The following SEL1L3 variants were observed in gnomAD, a reference collection of about 807,000 sequenced individuals.
The protein encoded by SEL1L3 is protein sel-1 homolog 3.
In SEL1L3, 76 loss-of-function variants were observed where a neutral mutation model predicts 142.8. That is an observed-to-expected ratio of 0.53 (90% confidence interval 0.44 to 0.64). The LOEUF (loss-of-function observed/expected upper bound fraction) is 0.64, where lower values mean the gene tolerates loss of function less well. Ranked by LOEUF, SEL1L3 falls within the 30% of genes least tolerant of loss-of-function variation. SEL1L3 has a pLI of 0.00. For missense variants in SEL1L3, 1,262 were observed against 1,381.7 expected, an observed-to-expected ratio of 0.91 and a Z score of 1.37; for synonymous variants, 504 against 519.6, an observed-to-expected ratio of 0.97 and a Z score of 0.41.
the SEL1L3 span, among the ~76,000 whole-genome samples, chr4:25,738,159 G>T: frequency 1.3e-5 from 2 of 152,166 alleles, no homozygotes; most frequent in Non-Finnish European, 2.9e-5. Context: ...AAAGTGCTGG[G>T]ATTACAGGCA....
At chr4:25,858,041 C>G (rs953382637) in intron 1 of SEL1L3, among the ~76,000 whole-genome samples, 3 of 152,264 alleles carry the variant, frequency 2.0e-5, no homozygotes, top group African/African-American at 7.2e-5. Flanking sequence ...ACGCCTCCTG[C>G]CCCTCGGCTC....
At chr4:25,739,438 G>A in the SEL1L3 span, among the ~76,000 whole-genome samples, 1 of 152,024 alleles carries the variant, frequency 6.6e-6, no homozygotes, top group Non-Finnish European at 1.5e-5. Context: ...CAGGAGTGGT[G>A]GCTCACGCCT....
In SEL1L3 at chr4:25,819,851, C is replaced by A. The variant is rs1187875830; in HGVS notation, c.1380G>T (p.Val460=). ...RCAEVQEIVS[V]YASAAKHGGE... ...CCCCGTGCTTTGCTGCAGATGCATA[C>A]ACAGATACTATTTCTTGAACCTCAG... is the stretch of plus-strand genomic sequence containing the variant. The change falls in exon 8 of 24, where the codon GTG becomes GTT. Residue 460 remains valine (V), a synonymous_variant. Transcript: ENST00000399878. 3 of 1,613,610 alleles carry A rather than the reference C, an allele frequency of 1.9e-6. No homozygotes were observed. The South Asian group carries it at 3.3e-5, about 18-fold the overall frequency.
intron 5 of SEL1L3, 34 bp downstream of exon 5, chr4:25,832,961 C>A (rs549192517): frequency 7.7e-7 from 1 of 1,294,514 alleles, no homozygotes; most frequent in South Asian, 1.2e-5. Flanking sequence ...CGAAAATGCT[C>A]GTATGTCGTG....
chr4:25,833,584 G>C lies in SEL1L3; in HGVS notation c.861-15C>G. 1.3e-6 allele frequency: 2 copies of C among 1,590,550 alleles called. No homozygotes were observed. Among genetic ancestry groups the C allele is most frequent in the Non-Finnish European group, 1.7e-6 (2 of 1,171,336 alleles). On this transcript the variant is annotated splice_polypyrimidine_tract_variant and intron_variant, in intron 3 of 23. Coordinates refer to ENST00000399878, the MANE Select transcript of SEL1L3 (RefSeq NM_015187.5). ...AAACAGTAAACCTATAAGAGTGAGG[G>C]GGAAAAAAATTCTGCAGATTGATAT...
At chr4:25,819,335 AT>A (rs11334696) in intron 8 of SEL1L3, among the ~76,000 whole-genome samples, 38,847 of 152,056 alleles carry the variant, frequency 0.26, 6,092 homozygotes, top group Non-Finnish European at 0.34. Flanking sequence ...AATTTCAAGG[AT>A]TTAAAAAATA....
chr4:25,765,514 T>TGA, intron 19 of SEL1L3, 79 bp from the exon 20 acceptor site: 2 of 865,284 alleles, frequency 2.3e-6, no homozygotes, highest in Non-Finnish European at 3.9e-6. Context: ...CGCATTCACA[T>TGA]GAATGCAAGT....
chr4:25,726,183 G>A, the SEL1L3 span, among the ~76,000 whole-genome samples: 5 of 151,250 alleles, frequency 3.3e-5, no homozygotes, highest in Admixed American at 1.3e-4. Context: ...TGGAGCATTT[G>A]GAATGAATAG....
At chr4:25,733,709 C>T in the SEL1L3 span, among the ~76,000 whole-genome samples, 2 of 151,814 alleles carry the variant, frequency 1.3e-5, no homozygotes, top group African/African-American at 2.4e-5. Context: ...TTAGTAGAGA[C>T]GGGGTTTCAC....
chr4:25,844,981 C>G (rs1716414478), intron 2 of SEL1L3, among the ~76,000 whole-genome samples: 1 of 151,950 alleles, frequency 6.6e-6, no homozygotes, highest in Admixed American at 6.6e-5. Flanking sequence ...TGCACAAATG[C>G]AGAATAAACC....
At chr4:25,776,236 A>G (rs755682750) in intron 17 of SEL1L3, 41 bp downstream of exon 17, 2 of 1,323,862 alleles carry the variant, frequency 1.5e-6, no homozygotes, top group Admixed American at 1.8e-5. Flanking sequence ...ATACTGACAG[A>G]CAGGGAAAAA....
the SEL1L3 span, among the ~76,000 whole-genome samples, chr4:25,728,467 C>T: frequency 6.6e-6 from 1 of 152,214 alleles, no homozygotes; most frequent in East Asian, 1.9e-4. Flanking sequence ...TTCCCTGAAA[C>T]ACCATAGGCA....
chr4:25,725,609 C>T, the SEL1L3 span, among the ~76,000 whole-genome samples: 3 of 152,194 alleles, frequency 2.0e-5, no homozygotes, highest in African/African-American at 2.4e-5. Flanking sequence ...CTACTGCGCC[C>T]GGCCCTGGTT....
At chr4:25,816,416 C>T (rs768683631) in intron 9 of SEL1L3, among the ~76,000 whole-genome samples, 18 of 152,130 alleles carry the variant, frequency 1.2e-4, no homozygotes, top group African/African-American at 7.2e-5. Flanking sequence ...CACAACATGA[C>T]GCAGCCTCCT....
At chr4:25,743,474 T>C (rs1717174274), downstream of SEL1L3, among the ~76,000 whole-genome samples, 1 of 152,096 alleles carries the variant, frequency 6.6e-6, no homozygotes, top group Admixed American at 6.6e-5. Context: ...TCCCAGAAAG[T>C]CGTGACGACA....
At chr4:25,843,397 A>C (rs914918070) in intron 2 of SEL1L3, among the ~76,000 whole-genome samples, 1 of 152,140 alleles carries the variant, frequency 6.6e-6, no homozygotes, top group African/African-American at 2.4e-5. Context: ...TGAGAAATGC[A>C]AGAAGGGACT....
chr4:25,796,706 G>A (rs868682489), intron 11 of SEL1L3, among the ~76,000 whole-genome samples: 1 of 150,434 alleles, frequency 6.6e-6, no homozygotes, highest in Non-Finnish European at 1.5e-5. Context: ...GTATGAGCCC[G>A]GGAGGTGGAG....
intron 13 of SEL1L3, among the ~76,000 whole-genome samples, chr4:25,786,240 C>T (rs929601135): frequency 2.0e-5 from 3 of 152,138 alleles, no homozygotes; most frequent in Non-Finnish European, 4.4e-5. Context: ...GTCAAATGCA[C>T]GTACTGTTCT....
rs138074887 is a variant in SEL1L3 at position 25,810,765 on chromosome 4, G to A, written c.1565-6013C>T. Among the ~76,000 whole-genome samples the A allele has an allele frequency of 1.8e-4, 27 of 152,296 alleles. 1 individual carries two copies. In the East Asian group the frequency reaches 5.2e-3, roughly 29 times the overall value. ...AACTACGGGCCACAGCAGCACAAGA[G>A]AATCCCTGTGCCAAGCAAGAAAATC... On this transcript the variant is annotated intron_variant, in intron 9 of 23. Transcript: ENST00000399878.
Sources: gnomAD v4.1 joint callset for allele counts (sites outside exome capture counted in the v4.1 genomes callset) on GRCh38, gnomAD v4.1.1 for gene constraint, MANE v1.5 for transcripts, NCBI Gene and HGNC (gene_info 2026-07-23, HGNC 2026-07-21) for gene names.